The following NR3C2 variants were observed in gnomAD, a reference collection of about 807,000 sequenced individuals.
NR3C2 encodes the protein nuclear receptor subfamily 3 group C member 2.
Under a neutral mutation model 86.4 loss-of-function variants are expected in NR3C2, and 15 were observed. That is an observed-to-expected ratio of 0.17 (90% CI 0.12 to 0.27). NR3C2 has a LOEUF of 0.27. NR3C2 is among the 10% of genes least tolerant of loss of function. The pLI, the probability that NR3C2 is intolerant of heterozygous loss-of-function variation, is 1.00. For missense variants in NR3C2, 960 were observed against 1,195.6 expected (o/e 0.80, Z 2.91); for synonymous variants, 458 against 450.5 (o/e 1.02, Z -0.21).
At chr4:148,436,915 C>G in intron 1 of NR3C2, 53 bp from the exon 2 acceptor site, 2 of 1,376,230 alleles carry the variant, frequency 1.5e-6, no homozygotes, top group Admixed American at 2.1e-5. Flanking sequence ...CAATATTACT[C>G]TAAAAGACAT....
intron 2 of NR3C2, among the ~76,000 whole-genome samples, chr4:148,391,216 G>T (rs1747531027): frequency 6.6e-6 from 1 of 152,120 alleles, no homozygotes; most frequent in South Asian, 2.1e-4. Flanking sequence ...TATAAAATCT[G>T]TTTCACAGAA....
intron 2 of NR3C2, among the ~76,000 whole-genome samples, chr4:148,418,689 T>C (rs1749126137): frequency 6.6e-6 from 1 of 152,182 alleles, no homozygotes; most frequent in African/African-American, 2.4e-5. Context: ...CAATCAACAA[T>C]AATAAGAACT....
At chr4:148,345,217 C>A (rs942689543) in intron 2 of NR3C2, among the ~76,000 whole-genome samples, 7 of 151,884 alleles carry the variant, frequency 4.6e-5, no homozygotes, top group Non-Finnish European at 1.0e-4. Flanking sequence ...ACAAATGAGA[C>A]CTAATGGAAA....
intron 2 of NR3C2, among the ~76,000 whole-genome samples, chr4:148,313,895 T>C (rs1246380948): frequency 6.6e-6 from 1 of 152,186 alleles, no homozygotes; most frequent in East Asian, 1.9e-4. Context: ...AGCATAAACT[T>C]GTGAGTTTTA....
At chr4:148,377,652 A>C (rs542188754) in intron 2 of NR3C2, among the ~76,000 whole-genome samples, 1 of 152,362 alleles carries the variant, frequency 6.6e-6, no homozygotes, top group South Asian at 2.1e-4. Context: ...CAGGACAGTG[A>C]ACATTTGTAA....
intron 2 of NR3C2, among the ~76,000 whole-genome samples, chr4:148,273,269 T>C (rs72655268): frequency 2.0e-5 from 3 of 152,244 alleles, no homozygotes; most frequent in Non-Finnish European, 4.4e-5. Flanking sequence ...ATTAAAACTG[T>C]ACCACCAATG....
intron 2 of NR3C2, among the ~76,000 whole-genome samples, chr4:148,279,099 G>A (rs1741109130): frequency 6.6e-6 from 1 of 152,130 alleles, no homozygotes; most frequent in African/African-American, 2.4e-5. Flanking sequence ...GGAGGCGGAG[G>A]TTGCAGTGAG....
intron 8 of NR3C2, 125 bp from the exon 9 acceptor site, chr4:148,081,624 T>A: frequency 7.7e-7 from 1 of 1,293,742 alleles, no homozygotes; most frequent in Non-Finnish European, 1.1e-6. Context: ...GACCATGTCT[T>A]CATTAATTGA....
rs143271090 is a variant in NR3C2, at chr4:148,193,441, A to C, written c.2014+1305T>G. ...ATCTGGAGCTAAAATTCACAATGCA[A>C]GCCTCCGCATGCTGCTTTTTCTGGA... is the stretch of plus-strand genomic sequence containing the variant. On this transcript the variant is annotated intron_variant, in intron 4 of 8. Transcript: ENST00000358102. Among the ~76,000 whole-genome samples, 404 of 152,236 alleles carry C rather than the reference A, an allele frequency of 2.7e-3. 1 individual carries two copies. Among genetic ancestry groups the C allele is most frequent in the African/African-American group, 8.9e-3 (368 of 41,540 alleles).
chr4:148,295,272 A>T (rs767867541), intron 2 of NR3C2, among the ~76,000 whole-genome samples: 4 of 152,054 alleles, frequency 2.6e-5, no homozygotes, highest in Non-Finnish European at 4.4e-5. Flanking sequence ...AAGAAAAGAA[A>T]ACTGCAGAAA....
intron 2 of NR3C2, among the ~76,000 whole-genome samples, chr4:148,309,547 A>C (rs919520811): frequency 6.7e-6 from 1 of 149,282 alleles, no homozygotes; most frequent in African/African-American, 2.5e-5. Flanking sequence ...TGGATAAAAG[A>C]TGCAGTGTTT....
intron 2 of NR3C2, among the ~76,000 whole-genome samples, chr4:148,295,263 A>C (rs936849517): frequency 6.6e-6 from 1 of 152,088 alleles, no homozygotes; most frequent in African/African-American, 2.4e-5. Flanking sequence ...TAATGTAATA[A>C]GAAAAGAAAA....
intron 8 of NR3C2, among the ~76,000 whole-genome samples, chr4:148,103,823 C>T (rs942306835): frequency 2.0e-5 from 3 of 152,166 alleles, no homozygotes; most frequent in Admixed American, 6.5e-5. Context: ...TCAGACTCCA[C>T]GGCCCCAGCT....
At chr4:148,124,315 T>C (rs1732648477) in intron 6 of NR3C2, among the ~76,000 whole-genome samples, 1 of 152,238 alleles carries the variant, frequency 6.6e-6, no homozygotes, top group Non-Finnish European at 1.5e-5. Context: ...AAAATGTCTT[T>C]ATTTTATCTT....
intron 2 of NR3C2, among the ~76,000 whole-genome samples, chr4:148,332,832 G>A (rs754149905): frequency 6.6e-6 from 1 of 152,144 alleles, no homozygotes; most frequent in Non-Finnish European, 1.5e-5. Context: ...TTCTTCCAAA[G>A]AGTTCTTTTG....
intron 2 of NR3C2, among the ~76,000 whole-genome samples, chr4:148,405,756 G>C (rs1349949101): frequency 1.3e-5 from 2 of 152,260 alleles, no homozygotes; most frequent in African/African-American, 2.4e-5. Flanking sequence ...GTGAACTGCT[G>C]TGGGGGACTC....
rs35681147 is a variant in NR3C2 at position 148,279,213 on chromosome 4, A to G, written c.1758-19096T>C. ...CTTTGAAACTAGTCTTGAATTTTGAACACAAGTACTGTCAAAGGGTGAAAA... is the reference window on the plus strand; with the variant it reads ...CTTTGAAACTAGTCTTGAATTTTGAGCACAAGTACTGTCAAAGGGTGAAAA... On this transcript the variant is annotated intron_variant, in intron 2 of 8. Transcript: ENST00000358102. Among the ~76,000 whole-genome samples the G allele has an allele frequency of 1.0e-3, 158 of 152,270 alleles. 1 individual carries two copies. The highest frequency in any genetic ancestry group is 1.8e-3 in the Non-Finnish European group (125 of 68,000).
intron 2 of NR3C2, among the ~76,000 whole-genome samples, chr4:148,289,070 C>A (rs1015783986): frequency 3.9e-5 from 6 of 152,134 alleles, no homozygotes; most frequent in Non-Finnish European, 7.4e-5. Flanking sequence ...TTGAGTGGGT[C>A]TTTGTCAGCT....
chr4:148,278,065 CAAAG>C (rs1440039062), intron 2 of NR3C2, among the ~76,000 whole-genome samples: 1 of 151,366 alleles, frequency 6.6e-6, no homozygotes, highest in Non-Finnish European at 1.5e-5. Flanking sequence ...GAATACATCT[CAAAG>C]AACTTACAGA....
Sources: gnomAD v4.1 joint callset for allele counts (sites outside exome capture counted in the v4.1 genomes callset) on GRCh38, gnomAD v4.1.1 for gene constraint, MANE v1.5 for transcripts, NCBI Gene and HGNC (gene_info 2026-07-23, HGNC 2026-07-21) for gene names.